Variants in TRPM7 observed in about 807,000 individuals in gnomAD.
The protein encoded by TRPM7 is transient receptor potential cation channel subfamily M member 7, also known as LTRPC ion channel family member 7.
TRPM7 carries 134 observed loss-of-function variants against 229.7 expected under a neutral mutation model. That is an observed-to-expected ratio of 0.58 (90% confidence interval 0.51 to 0.67). The LOEUF is 0.67. TRPM7 is among the 30% of genes least tolerant of loss of function. The pLI, the probability that TRPM7 is intolerant of heterozygous loss-of-function variation, is 0.00. For synonymous variants in TRPM7, 699 were observed against 715.2 expected (o/e 0.98, Z 0.36); for missense variants, 1,901 against 2,210.0 (o/e 0.86, Z 2.80).
intron 2 of TRPM7, among the ~76,000 whole-genome samples, chr15:50,659,013 G>A (rs2061659211): frequency 6.6e-6 from 1 of 151,752 alleles, no homozygotes; most frequent in Non-Finnish European, 1.5e-5. Flanking sequence ...CCTGGCTAAC[G>A]CAGTGAAACC....
At chr15:50,671,683 G>A (rs2061990716) in intron 1 of TRPM7, among the ~76,000 whole-genome samples, 2 of 152,018 alleles carry the variant, frequency 1.3e-5, no homozygotes, top group Non-Finnish European at 2.9e-5. Flanking sequence ...GTTGGTGCCT[G>A]CCTATAGTCC....
chr15:50,599,619 C>G (rs2059723273), intron 21 of TRPM7: 1 of 180,474 alleles, frequency 5.5e-6, no homozygotes, highest in African/African-American at 2.3e-5. Context: ...TACAGAGACA[C>G]AGACAGATTT....
At chr15:50,577,759 A>T (rs950674218) in intron 31 of TRPM7, among the ~76,000 whole-genome samples, 2 of 152,236 alleles carry the variant, frequency 1.3e-5, no homozygotes, top group African/African-American at 4.8e-5. Context: ...CAACATGAAC[A>T]AGAATGCTTG....
rs560105423 is a variant in TRPM7, at chr15:50,648,810, T to C, written c.198A>G (p.Lys66=). 6.2e-7 allele frequency: 1 copy of C among 1,613,372 alleles called. No homozygotes were observed. Among genetic ancestry groups the C allele is most frequent in the African/African-American group, 1.3e-5 (1 of 75,010 alleles). Reference sequence around the variant, plus strand: ...TTGCCTGATTAAAATGGTCACCCAATTTCACATCTGAGTATTTCATGGCAA... The same window carrying C: ...TTGCCTGATTAAAATGGTCACCCAACTTCACATCTGAGTATTTCATGGCAA... ...ASLAMKYSDV[K]LGDHFNQAIE... is the part of the protein sequence containing the mutation. The change falls in exon 4 of 39, where the codon AAA becomes AAG. Residue 66 remains lysine (K), a synonymous_variant. Coordinates refer to ENST00000646667, the MANE Select transcript of TRPM7 (RefSeq NM_017672.6).
intron 30 of TRPM7, 136 bp downstream of exon 30, chr15:50,580,738 G>A: frequency 1.5e-6 from 1 of 679,062 alleles, no homozygotes; most frequent in Non-Finnish European, 2.3e-6. Context: ...TCATCTATGT[G>A]AAGAGAGGAG....
At chr15:50,675,444 C>G (rs1431575424) in intron 1 of TRPM7, among the ~76,000 whole-genome samples, 2 of 152,090 alleles carry the variant, frequency 1.3e-5, no homozygotes, top group African/African-American at 4.8e-5. Flanking sequence ...ATGTAACAGC[C>G]AAATGTACAT....
intron 38 of TRPM7, among the ~76,000 whole-genome samples, chr15:50,568,567 T>G (rs764897995): frequency 6.6e-6 from 1 of 152,332 alleles, no homozygotes; most frequent in Admixed American, 6.5e-5. Context: ...AACCAACTCA[T>G]TAAGTCCTCA....
chr15:50,654,654 A>C (rs2061508074), intron 3 of TRPM7, among the ~76,000 whole-genome samples: 1 of 151,410 alleles, frequency 6.6e-6, no homozygotes, highest in African/African-American at 2.4e-5. Context: ...AACTATAACA[A>C]AGAATCAAAT....
rs1354899148 is a variant in TRPM7 at position 50,637,461 on chromosome 15, C to G, written c.793G>C (p.Glu265Gln). The G allele has an allele frequency of 6.2e-7, 1 of 1,611,644 alleles. No homozygotes were observed. The highest frequency in any genetic ancestry group is 8.5e-7 in the Non-Finnish European group (1 of 1,179,560). The part of the protein sequence containing the change: ...KYGAEVRLRR[E>Q]LEKTINQQRI... ...TGCTGATTAATAGTTTTTTCAAGTT[C>G]TCTTCTCAGTCTGACTTCCGCCCCA... Residue 265 changes from glutamate (E) to glutamine (Q), a missense_variant, in exon 7 of 39, where the codon GAA becomes CAA. Glu to Gln is a conservative substitution (Grantham distance 29). Around this residue, in one of 8 missense-constraint regions of TRPM7, gnomAD observed 794 missense variants for 881.9 expected, o/e 0.90. Coordinates refer to ENST00000646667, the MANE Select transcript of TRPM7 (RefSeq NM_017672.6).
chr15:50,608,079 GA>G (rs956173400), intron 19 of TRPM7, among the ~76,000 whole-genome samples: 3 of 145,558 alleles, frequency 2.1e-5, no homozygotes, highest in African/African-American at 7.6e-5. Flanking sequence ...AAGAAAGAAA[GA>G]AAGAAAAGAA....
intron 22 of TRPM7, among the ~76,000 whole-genome samples, chr15:50,597,872 C>CCA (rs1333321944): frequency 1.3e-5 from 2 of 151,802 alleles, no homozygotes; most frequent in African/African-American, 2.4e-5. Context: ...TGAGCCAAGA[C>CCA]CACACCACTG....
At chr15:50,639,322 A>G (rs1274497528) in intron 6 of TRPM7, 102 bp downstream of exon 6, 5 of 1,000,140 alleles carry the variant, frequency 5.0e-6, no homozygotes, top group Admixed American at 3.9e-5. Context: ...CTTAATTTGA[A>G]AAGTATAATA....
At chr15:50,602,652 C>T (rs1212331666) in intron 21 of TRPM7, among the ~76,000 whole-genome samples, 1 of 152,126 alleles carries the variant, frequency 6.6e-6, no homozygotes, top group African/African-American at 2.4e-5. Flanking sequence ...TTGTTGAGTT[C>T]CACGAAGATC....
intron 1 of TRPM7, among the ~76,000 whole-genome samples, chr15:50,672,061 T>C (rs950956257): frequency 6.8e-6 from 1 of 148,038 alleles, no homozygotes; most frequent in African/African-American, 2.7e-5. Context: ...GGTTGGTTTT[T>C]GTTTTTGTTT....
intron 12 of TRPM7, 64 bp downstream of exon 12, chr15:50,624,102 C>T: frequency 2.0e-6 from 3 of 1,489,790 alleles, no homozygotes; most frequent in South Asian, 1.4e-5. Context: ...TGGCTATATT[C>T]AGGTAAAGTA....
intron 1 of TRPM7, among the ~76,000 whole-genome samples, chr15:50,684,154 T>C (rs2140992488): frequency 6.7e-6 from 1 of 149,522 alleles, no homozygotes. Context: ...CCTGATTAAG[T>C]CGTTTTTTTT....
intron 1 of TRPM7, among the ~76,000 whole-genome samples, chr15:50,670,165 A>C (rs1170409805): frequency 6.6e-6 from 1 of 152,196 alleles, no homozygotes; most frequent in Non-Finnish European, 1.5e-5. Context: ...CACCCCATTC[A>C]GCAAGAAGAG....
chr15:50,613,984 A>G (rs1397691684), intron 14 of TRPM7, 139 bp downstream of exon 14: 5 of 1,336,654 alleles, frequency 3.7e-6, no homozygotes, highest in Non-Finnish European at 5.1e-6. Flanking sequence ...ACGACATAAT[A>G]TTTCTAATTG....
At position 50,574,963 on chromosome 15, in the gene TRPM7, A is replaced by ATGTTCTGAC. The variant is rs1347645916; in HGVS notation, c.4899_4907dup (p.Glu1635_His1636insGlnSerGlu). The ATGTTCTGAC allele has an allele frequency of 6.2e-7, 1 of 1,614,060 alleles. No individual in the cohort carries two copies. Among genetic ancestry groups the ATGTTCTGAC allele is most frequent in the African/African-American group, 1.3e-5 (1 of 74,936 alleles). ...AAAGATGCCCTGATTTGAGGATATC[A>ATGTTCTGAC]TGTTCTGACCAGGTACACTGTACTT... is the stretch of plus-strand genomic sequence containing the variant. On this transcript the variant is annotated inframe_insertion, in exon 34 of 39. Coordinates refer to ENST00000646667, the MANE Select transcript of TRPM7 (RefSeq NM_017672.6).
Sources: allele counts gnomAD v4.1 joint callset (sites outside exome capture counted in the v4.1 genomes callset), GRCh38; gene constraint gnomAD v4.1.1; regional missense constraint gnomAD v4.1.1; transcripts MANE v1.5; gene names NCBI Gene and HGNC (gene_info 2026-07-23, HGNC 2026-07-21).